The following MPHOSPH8 variants were observed in gnomAD, a reference collection of about 807,000 sequenced individuals.
MPHOSPH8 encodes the protein M-phase phosphoprotein 8.
Under a neutral mutation model 87.3 loss-of-function variants are expected in MPHOSPH8, and 45 were observed. That is an observed-to-expected ratio of 0.52 (90% confidence interval 0.41 to 0.66). The LOEUF (loss-of-function observed/expected upper bound fraction) is 0.66. Among genes scored for constraint, MPHOSPH8 ranks in the 30% least tolerant of loss-of-function variants. The probability of loss-of-function intolerance (pLI) is 0.00; values close to 1 mark genes in which losing one functional copy is unlikely to be tolerated. For synonymous variants in MPHOSPH8, 366 were observed against 376.9 expected, an observed-to-expected ratio of 0.97 and a Z score of 0.33; for missense variants, 883 against 1,020.2, an observed-to-expected ratio of 0.87 and a Z score of 1.83.
chr13:19,636,471 T>C (rs76878315), intron 1 of MPHOSPH8, among the ~76,000 whole-genome samples: 3,704 of 152,006 alleles, frequency 0.024, 68 homozygotes, highest in Middle Eastern at 0.048. Flanking sequence ...TAAATTCTAA[T>C]AGTGTATATT....
intron 9 of MPHOSPH8, 83 bp downstream of exon 9, chr13:19,663,209 C>A (rs1875641305): frequency 2.5e-6 from 3 of 1,222,830 alleles, no homozygotes; most frequent in African/African-American, 1.5e-5. Flanking sequence ...AGGCACTGTG[C>A]TGGGGACTGA....
chr13:19,664,051 A>G (rs570227297), intron 9 of MPHOSPH8, among the ~76,000 whole-genome samples: 1 of 152,164 alleles, frequency 6.6e-6, no homozygotes, highest in South Asian at 2.1e-4. Context: ...TGGCACCATC[A>G]TGACTCACTG....
Position 19,670,361 on chromosome 13 carries a change from C to G in MPHOSPH8, c.2455C>G (p.Leu819Val). 6.2e-7 allele frequency: 1 copy of G among 1,613,792 alleles called. No individual in the cohort carries two copies. Among genetic ancestry groups the G allele is most frequent in the East Asian group, 2.2e-5 (1 of 44,862 alleles). The stretch of plus-strand genomic sequence containing the variant: ...TGATAAATTTCAGCTTCCTGTTTTT[C>G]TGGTAAGATACTCTGTATTTCACTA... ...LNDKFQLPVFLDSHFVYSFSP... is the reference protein window; with the variant it reads ...LNDKFQLPVFVDSHFVYSFSP... The change falls in exon 12 of 14, where the codon CTG becomes GTG. Residue 819 changes from leucine (L) to valine (V), a missense_variant and splice_region_variant. This residue lies in a region of MPHOSPH8 where 741 missense variants were observed against 841.5 expected (regional missense o/e 0.88). Coordinates refer to ENST00000361479, the MANE Select transcript of MPHOSPH8 (RefSeq NM_017520.4).
chr13:19,659,740 TC>T, intron 7 of MPHOSPH8: 1 of 367,336 alleles, frequency 2.7e-6, no homozygotes, highest in South Asian at 2.1e-5. Context: ...ACAATTATAG[TC>T]CCTTTAATTC....
intron 5 of MPHOSPH8, among the ~76,000 whole-genome samples, chr13:19,653,132 C>A (rs1022638550): frequency 3.9e-5 from 6 of 152,214 alleles, no homozygotes; most frequent in Non-Finnish European, 7.3e-5. Context: ...TGTCTCCTGA[C>A]TGGGAGATAC....
intron 12 of MPHOSPH8, 185 bp from the exon 13 acceptor site, chr13:19,671,021 A>G (rs1223788839): frequency 3.7e-6 from 5 of 1,336,740 alleles, no homozygotes; most frequent in Admixed American, 5.3e-5. Flanking sequence ...GGGTTTCACC[A>G]TGTTGGCCAG....
At chr13:19,635,123 C>A (rs1035555509) in intron 1 of MPHOSPH8, among the ~76,000 whole-genome samples, 1 of 152,098 alleles carries the variant, frequency 6.6e-6, no homozygotes, top group Non-Finnish European at 1.5e-5. Context: ...ATAATTTCTC[C>A]AAATATATTG....
intron 1 of MPHOSPH8, among the ~76,000 whole-genome samples, chr13:19,638,468 C>T (rs1200263545): frequency 2.6e-5 from 4 of 151,006 alleles, no homozygotes; most frequent in Non-Finnish European, 5.9e-5. Context: ...AAAAAATTAG[C>T]CAGGCGTGGT....
At chr13:19,644,968 A>T (rs1003221725) in intron 2 of MPHOSPH8, among the ~76,000 whole-genome samples, 1 of 151,674 alleles carries the variant, frequency 6.6e-6, no homozygotes, top group African/African-American at 2.4e-5. Flanking sequence ...CTGGCTAATT[A>T]AAAAAAAATT....
rs767401598 is a variant in MPHOSPH8 at position 19,646,573 on chromosome 13, A to T, written c.500A>T (p.Asp167Val). Residue 167 changes from aspartate (D) to valine (V), a missense_variant, in exon 3 of 14, where the codon GAT becomes GTT. Physicochemically the swap from Asp to Val is radical, Grantham distance 152 (BLOSUM62 -3). Transcript: ENST00000361479. Reference protein sequence around the residue: ...LRQREEKSPDDLKKKKAKAGK... With the variant: ...LRQREEKSPDVLKKKKAKAGK... ...CAGAGAGAAGAGAAAAGCCCAGATG[A>T]TCTGAAAAAGAAAAAAGCAAAGGCC... 6 of 1,585,084 alleles carry T rather than the reference A, an allele frequency of 3.8e-6. No individual in the cohort carries two copies. In the South Asian group the frequency reaches 7.1e-5, roughly 19 times the overall value.
intron 1 of MPHOSPH8, 93 bp from the exon 2 acceptor site, chr13:19,642,022 T>C: frequency 8.9e-7 from 1 of 1,121,856 alleles, no homozygotes; most frequent in Non-Finnish European, 1.2e-6. Context: ...TTTCAAGTTC[T>C]TTCATGTCTT....
rs572861550 is a variant in MPHOSPH8 at position 19,656,213 on chromosome 13, A to G, written c.1577-2782A>G. Among the ~76,000 whole-genome samples the G allele has an allele frequency of 2.5e-3, 356 of 144,418 alleles. 3 individuals are homozygous for G. Among genetic ancestry groups the G allele is most frequent in the Middle Eastern group, 3.5e-3 (1 of 284 alleles). 94.7% of individuals were successfully genotyped at this position (144,418 alleles called of 152,430 possible). The stretch of plus-strand genomic sequence containing the variant: ...AGGACCATTTGAGCCCAGGAGGCAG[A>G]GATTGTAGTGAGCTAAAATCGTGCC... On this transcript the variant is annotated intron_variant, in intron 5 of 13. Coordinates refer to ENST00000361479, the MANE Select transcript of MPHOSPH8 (RefSeq NM_017520.4).
intron 9 of MPHOSPH8, among the ~76,000 whole-genome samples, chr13:19,664,697 G>A (rs1367255070): frequency 1.3e-5 from 2 of 152,140 alleles, no homozygotes; most frequent in Non-Finnish European, 2.9e-5. Context: ...GTAACTGGAG[G>A]TGACGCCTGG....
chr13:19,642,329 T>A, intron 2 of MPHOSPH8, 59 bp downstream of exon 2: 1 of 1,350,762 alleles, frequency 7.4e-7, no homozygotes, highest in Non-Finnish European at 1.0e-6. Context: ...AAATTTTAAC[T>A]CTCAAAGTAT....
chr13:19,659,706 A>C, intron 7 of MPHOSPH8: 1 of 426,494 alleles, frequency 2.3e-6, no homozygotes, highest in Non-Finnish European at 4.6e-6. Context: ...GTAAAATAAA[A>C]AAATTGTAGA....
In MPHOSPH8 at chr13:19,643,497, C is replaced by T. The variant is rs866134757; in HGVS notation, c.369+1227C>T. ...CTGGCCTCAAGTAATCCTCGCACCT[C>T]GGCCTCCCAAAGTGTTGGTTGGGAT... On this transcript the variant is annotated intron_variant, in intron 2 of 13. Coordinates refer to ENST00000361479, the MANE Select transcript of MPHOSPH8 (RefSeq NM_017520.4). Among the ~76,000 whole-genome samples the T allele has an allele frequency of 7.9e-5, 12 of 152,174 alleles. No homozygotes were observed. The South Asian group carries it at 1.9e-3, about 24-fold the overall frequency.
rs775943152 is a variant in MPHOSPH8, at chr13:19,648,438, G to T, written c.1235G>T (p.Arg412Ile). The T allele has an allele frequency of 1.3e-6, 2 of 1,590,834 alleles. No homozygotes were observed. The highest frequency in any genetic ancestry group is 8.6e-7 in the Non-Finnish European group (1 of 1,168,938). ...DSAEEDKETKRNESKEKYQKR... is the reference protein window; with the variant it reads ...DSAEEDKETKINESKEKYQKR... ...CATTTTCAGGACAAAGAAACCAAAA[G>T]AAATGAATCCAAAGAAAAATATCAG... Residue 412 changes from arginine to isoleucine, a missense_variant, in exon 4 of 14, where the codon AGA becomes ATA. Arg to Ile is a moderately conservative substitution (Grantham distance 97). Around this residue, in one of 3 missense-constraint regions of MPHOSPH8, gnomAD observed 741 missense variants for 841.5 expected, o/e 0.88. Coordinates refer to ENST00000361479, the MANE Select transcript of MPHOSPH8 (RefSeq NM_017520.4).
intron 9 of MPHOSPH8, among the ~76,000 whole-genome samples, chr13:19,665,649 C>T (rs1278302672): frequency 1.3e-5 from 2 of 152,180 alleles, no homozygotes; most frequent in African/African-American, 4.8e-5. Flanking sequence ...GTGGCGGCTC[C>T]TCCTAGGGCT....
At chr13:19,658,154 A>C (rs893803586) in intron 5 of MPHOSPH8, among the ~76,000 whole-genome samples, 1 of 151,380 alleles carries the variant, frequency 6.6e-6, no homozygotes, top group Non-Finnish European at 1.5e-5. Flanking sequence ...CAGAAGTGTT[A>C]GTTTGAGTTG....
Sources: gnomAD v4.1 joint callset for allele counts (sites outside exome capture counted in the v4.1 genomes callset) on GRCh38, gnomAD v4.1.1 for gene constraint, gnomAD v4.1.1 regional missense constraint, MANE v1.5 for transcripts, NCBI Gene and HGNC (gene_info 2026-07-23, HGNC 2026-07-21) for gene names.